Variants in PRKN observed in about 807,000 individuals in gnomAD.
PRKN encodes E3 ubiquitin-protein ligase parkin.
PRKN carries 56 observed loss-of-function variants against 59.5 expected under a neutral mutation model. The observed-to-expected ratio is 0.94, with a 90% CI of 0.76 to 1.18. The LOEUF is 1.18. PRKN is among the 50% of genes most tolerant of loss of function. PRKN has a pLI of 0.00. For synonymous variants in PRKN, 250 were observed against 222.1 expected, an observed-to-expected ratio of 1.13 and a Z score of -1.12; for missense variants, 657 against 596.4, an observed-to-expected ratio of 1.10 and a Z score of -1.06.
chr6:161,969,678 A>G (rs780237899), intron 6 of PRKN, among the ~76,000 whole-genome samples: 8 of 152,028 alleles, frequency 5.3e-5, no homozygotes, highest in Non-Finnish European at 7.4e-5. Context: ...TTAATATTTT[A>G]CTTTTATTTT....
intron 2 of PRKN, among the ~76,000 whole-genome samples, chr6:162,429,261 AC>A (rs1789392759): frequency 1.3e-5 from 2 of 152,126 alleles, no homozygotes; most frequent in Non-Finnish European, 2.9e-5. Context: ...TCCTTTTAGC[AC>A]GTGGCTTTTA....
chr6:161,430,500 A>C (rs1788588063), intron 9 of PRKN, among the ~76,000 whole-genome samples: 1 of 152,182 alleles, frequency 6.6e-6, no homozygotes, highest in African/African-American at 2.4e-5. Context: ...TGGTGAGAGC[A>C]AACACAGAGA....
chr6:162,331,355 C>T (rs1374059278), intron 2 of PRKN, among the ~76,000 whole-genome samples: 1 of 152,172 alleles, frequency 6.6e-6, no homozygotes, highest in African/African-American at 2.4e-5. Context: ...GTGGGTTTAA[C>T]TTTCCTTTCA....
intron 10 of PRKN, among the ~76,000 whole-genome samples, chr6:161,383,652 T>C (rs564581596): frequency 1.3e-5 from 2 of 152,326 alleles, no homozygotes; most frequent in East Asian, 3.9e-4. Flanking sequence ...ATGGGGTTCA[T>C]GGGACTCTTC....
intron 7 of PRKN, among the ~76,000 whole-genome samples, chr6:161,653,475 G>A (rs970194896): frequency 1.3e-5 from 2 of 152,100 alleles, no homozygotes; most frequent in African/African-American, 2.4e-5. Context: ...ATTGAAAACC[G>A]CCATCATCAG....
chr6:161,422,396 A>T (rs180909849), intron 9 of PRKN, among the ~76,000 whole-genome samples: 82 of 152,054 alleles, frequency 5.4e-4, no homozygotes, highest in African/African-American at 2.0e-3. Context: ...ATGGGGTTTC[A>T]CCATGTTAGT....
chr6:161,928,085 G>C (rs1293614504), intron 6 of PRKN, among the ~76,000 whole-genome samples: 2 of 152,204 alleles, frequency 1.3e-5, no homozygotes, highest in Non-Finnish European at 1.5e-5. Flanking sequence ...TGGGATTAGT[G>C]TCTTTATGAA....
intron 6 of PRKN, among the ~76,000 whole-genome samples, chr6:161,970,543 T>C (rs1780763458): frequency 6.6e-6 from 1 of 151,784 alleles, no homozygotes; most frequent in South Asian, 2.1e-4. Context: ...TCTAACACTT[T>C]TTTTTTTTCT....
chr6:162,021,134 A>ATAT (rs1476975750), intron 5 of PRKN, among the ~76,000 whole-genome samples: 1 of 9,308 alleles, frequency 1.1e-4, no homozygotes, highest in Non-Finnish European at 1.6e-4. Flanking sequence ...ATATATATAT[A>ATAT]TATATATATA....
intron 5 of PRKN, among the ~76,000 whole-genome samples, chr6:162,014,208 TA>T (rs1400623048): frequency 1.3e-5 from 2 of 152,146 alleles, no homozygotes; most frequent in African/African-American, 4.8e-5. Flanking sequence ...GGGGCCTGGT[TA>T]AAAACCCACG....
chr6:162,704,959 A>T (rs1057502642), intron 1 of PRKN, among the ~76,000 whole-genome samples: 2 of 152,200 alleles, frequency 1.3e-5, no homozygotes, highest in African/African-American at 4.8e-5. Context: ...TTTATATTTT[A>T]AAAATATAAG....
chr6:161,412,037 C>A (rs1787584031), intron 9 of PRKN, among the ~76,000 whole-genome samples: 1 of 141,770 alleles, frequency 7.1e-6, no homozygotes, highest in African/African-American at 2.6e-5. Flanking sequence ...ATTCATTCCT[C>A]CACTCACTCA....
intron 5 of PRKN, among the ~76,000 whole-genome samples, chr6:162,002,108 C>T (rs1436368033): frequency 6.6e-6 from 1 of 151,900 alleles, no homozygotes; most frequent in Non-Finnish European, 1.5e-5. Context: ...AGATCTTGGT[C>T]TGTAGTTTTC....
At chr6:161,358,842 T>TGGA (rs1487961250) in intron 11 of PRKN, among the ~76,000 whole-genome samples, 2 of 134,534 alleles carry the variant, frequency 1.5e-5, no homozygotes, top group Admixed American at 1.6e-4. Context: ...TCGCCCAGGC[T>TGGA]GGAGTGCAGT....
chr6:162,321,501 C>G (rs185874486), intron 2 of PRKN, among the ~76,000 whole-genome samples: 2 of 151,702 alleles, frequency 1.3e-5, no homozygotes, highest in Non-Finnish European at 2.9e-5. Flanking sequence ...AAAGTGAAGA[C>G]AAGGCAATAC....
intron 9 of PRKN, among the ~76,000 whole-genome samples, chr6:161,531,082 T>C (rs1157481340): frequency 6.6e-6 from 1 of 152,146 alleles, no homozygotes; most frequent in Non-Finnish European, 1.5e-5. Flanking sequence ...TTGCCCAGCC[T>C]TAATAATAAT....
rs911634510 is a variant in PRKN at position 161,792,779 on chromosome 6, A to G, written c.735-6871T>C. 6.6e-5 allele frequency among the ~76,000 whole-genome samples: 10 copies of G among 152,350 alleles called. 1 individual carries two copies. In the Middle Eastern group the frequency reaches 0.017, roughly 259 times the overall value. ...ACATGGAGAACTATGACTCCTGGGCATTTAACACAGTATTTGATTAGATAA... is the reference window on the plus strand; with the variant it reads ...ACATGGAGAACTATGACTCCTGGGCGTTTAACACAGTATTTGATTAGATAA... On this transcript the variant is annotated intron_variant, in intron 6 of 11. Coordinates refer to ENST00000366898, the MANE Select transcript of PRKN (RefSeq NM_004562.3).
intron 2 of PRKN, among the ~76,000 whole-genome samples, chr6:162,384,665 A>AAC (rs1554311202): frequency 1.5e-5 from 1 of 68,406 alleles, no homozygotes; most frequent in Non-Finnish European, 2.9e-5. Context: ...AAAAAAAACA[A>AAC]AAAAAAAAAA....
intron 5 of PRKN, among the ~76,000 whole-genome samples, chr6:161,975,914 C>CT (rs528942137): frequency 3.3e-5 from 5 of 151,286 alleles, no homozygotes; most frequent in African/African-American, 9.7e-5. Context: ...TGCCATTTTA[C>CT]TTTTTTTTTG....
Sources: allele counts gnomAD v4.1 joint callset (sites outside exome capture counted in the v4.1 genomes callset), GRCh38; gene constraint gnomAD v4.1.1; transcripts MANE v1.5; gene names NCBI Gene and HGNC (gene_info 2026-07-23, HGNC 2026-07-21).